ZNF541: variants seen among roughly 807,000 people sequenced by gnomAD.
ZNF541 encodes zinc finger protein 541.
Under a neutral mutation model 123.5 loss-of-function variants are expected in ZNF541, and 23 were observed. The ratio of observed to expected loss-of-function variants is 0.19; its 90% CI spans 0.13 to 0.26. The LOEUF is 0.26. ZNF541 is among the 10% of genes least tolerant of loss of function. The probability of loss-of-function intolerance (pLI) is 1.00; values close to 1 mark genes in which losing one functional copy is unlikely to be tolerated. For synonymous variants in ZNF541, 751 were observed against 754.5 expected, an observed-to-expected ratio of 1.00 and a Z score of 0.08; for missense variants, 1,612 against 1,789.9, an observed-to-expected ratio of 0.90 and a Z score of 1.79.
rs1970796367 is a variant in ZNF541, at chr19:47,555,783, T to G, written c.74A>C (p.Gln25Pro). Reference sequence around the variant, plus strand: ...GAGGGTGTCGCTGCAGTTGAGCCCTTGGCTCTCTGAAAATGAAGGGAGGTG... The same window carrying G: ...GAGGGTGTCGCTGCAGTTGAGCCCTGGGCTCTCTGAAAATGAAGGGAGGTG... ...EMHLPSFSES[Q>P]GLNCSDTLNR... Residue 25 changes from glutamine to proline, a missense_variant, in exon 3 of 17, where the codon CAA becomes CCA. Physicochemically the swap from Gln to Pro is moderately conservative, Grantham distance 76 (BLOSUM62 -1). This residue lies in a region of ZNF541 where 212 missense variants were observed against 289.6 expected (regional missense o/e 0.73). Coordinates refer to ENST00000391901, the MANE Select transcript of ZNF541 (RefSeq NM_001277075.3). The G allele has an allele frequency of 1.9e-6, 3 of 1,551,656 alleles. No individual in the cohort carries two copies. Among genetic ancestry groups the G allele is most frequent in the Non-Finnish European group, 2.6e-6 (3 of 1,146,988 alleles).
chr19:47,544,146 T>A lies in ZNF541; in HGVS notation c.2383A>T (p.Thr795Ser), dbSNP rs3826835. ...PPADPSKSKL[T>S]IFSRIQGGNI... ...GGTACCTGGATTCTGCTGAATATTGTCAGCTTGGACTTGGAGGGATCTGCC... is the reference window on the plus strand; with the variant it reads ...GGTACCTGGATTCTGCTGAATATTGACAGCTTGGACTTGGAGGGATCTGCC... The change falls in exon 5 of 17, where the codon ACA becomes TCA. Residue 795 changes from threonine (T) to serine (S), a missense_variant. This residue lies in a region of ZNF541 where 1,080 missense variants were observed against 1,013.8 expected (regional missense o/e 1.07). Transcript: ENST00000391901. 2 of 1,550,122 alleles carry A rather than the reference T, an allele frequency of 1.3e-6. No individual in the cohort carries two copies. The highest frequency in any genetic ancestry group is 4.9e-5 in the East Asian group (2 of 40,862).
intron 10 of ZNF541, among the ~76,000 whole-genome samples, 183 bp downstream of exon 10, chr19:47,532,726 T>G (rs1435067014): frequency 6.6e-6 from 1 of 151,858 alleles, no homozygotes; most frequent in Non-Finnish European, 1.5e-5. Context: ...ATATATATAT[T>G]TGTAGAAGGA....
At chr19:47,565,469 A>T (rs1273440840) in intron 2 of ZNF541, among the ~76,000 whole-genome samples, 1 of 152,144 alleles carries the variant, frequency 6.6e-6, no homozygotes, top group Non-Finnish European at 1.5e-5. Flanking sequence ...GGCTAAAAAG[A>T]AGAGGATGGA....
At position 47,568,697 on chromosome 19, in the gene ZNF541, A is replaced by G. The variant is rs184458635; in HGVS notation, c.-99+3199T>C. ...CAATTTTTTTTGTTTTCCTGAGTTG[A>G]AGTCTCTCTCTGTCACTCAGGCTGG... On this transcript the variant is annotated intron_variant, in intron 2 of 16. Coordinates refer to ENST00000391901, the MANE Select transcript of ZNF541 (RefSeq NM_001277075.3). Among the ~76,000 whole-genome samples the G allele has an allele frequency of 7.1e-4, 108 of 151,088 alleles. 2 individuals are homozygous for G. The East Asian group carries it at 0.016, about 22-fold the overall frequency.
At chr19:47,567,723 T>C (rs767115205) in intron 2 of ZNF541, among the ~76,000 whole-genome samples, 1 of 152,156 alleles carries the variant, frequency 6.6e-6, no homozygotes, top group Non-Finnish European at 1.5e-5. Flanking sequence ...AAGGCAACAA[T>C]TGGTTGGAGG....
chr19:47,537,301 C>A (rs1417944151), intron 9 of ZNF541, among the ~76,000 whole-genome samples: 1 of 152,146 alleles, frequency 6.6e-6, no homozygotes, highest in Non-Finnish European at 1.5e-5. Context: ...CAGTGGCTCA[C>A]ACCTGTAATC....
Position 47,544,400 on chromosome 19 carries a change from C to T in ZNF541, c.2129G>A (p.Gly710Glu), listed in dbSNP as rs1310796562. 3 of 1,551,598 alleles carry T rather than the reference C, an allele frequency of 1.9e-6. No individual in the cohort carries two copies. The highest frequency in any genetic ancestry group is 2.7e-5 in the African/African-American group (2 of 73,166). ...GGCCTGCTTCCCTGGCAGCGAGGCT[C>T]CTGGTGGCTCCTCCCCACCTAACTG... is the stretch of plus-strand genomic sequence containing the variant. Reference protein sequence around the residue: ...QTQLGGEEPPGASLPGKQAPA... With the variant: ...QTQLGGEEPPEASLPGKQAPA... The change falls in exon 5 of 17, where the codon GGA becomes GAA. Residue 710 changes from glycine to glutamate, a missense_variant. Physicochemically the swap from Gly to Glu is moderately conservative, Grantham distance 98. This residue lies in a region of ZNF541 where 1,080 missense variants were observed against 1,013.8 expected (regional missense o/e 1.07). Coordinates refer to ENST00000391901, the MANE Select transcript of ZNF541 (RefSeq NM_001277075.3).
rs1304756534 is a variant in ZNF541 at position 47,563,773 on chromosome 19, T to C, written c.-98-7819A>G. Among the ~76,000 whole-genome samples, 2 of 151,898 alleles carry C rather than the reference T, an allele frequency of 1.3e-5. 1 individual carries two copies. The highest frequency in any genetic ancestry group is 4.2e-4 in the South Asian group (2 of 4,816). ...GGCACTCACCACCACGCCTGGCAAA[T>C]TTTTGTACTTTTAGTAGAGATAGGG... On this transcript the variant is annotated intron_variant, in intron 2 of 16. Transcript: ENST00000391901.
At chr19:47,551,259 C>T (rs1467217307) in intron 3 of ZNF541, among the ~76,000 whole-genome samples, 4 of 151,916 alleles carry the variant, frequency 2.6e-5, no homozygotes, top group Non-Finnish European at 4.4e-5. Context: ...AGGCTGGTCT[C>T]GAACTTCTGG....
At chr19:47,540,057 T>A (rs1445386649) in intron 7 of ZNF541, 119 bp downstream of exon 7, 1 of 1,440,020 alleles carries the variant, frequency 6.9e-7, no homozygotes, top group African/African-American at 1.4e-5. Context: ...ACAGCCTGAC[T>A]CCAGCCCCCG....
intron 12 of ZNF541, 54 bp downstream of exon 12, chr19:47,531,588 A>G (rs574828250): frequency 7.1e-7 from 1 of 1,403,720 alleles, no homozygotes; most frequent in East Asian, 2.6e-5. Flanking sequence ...CGTCACATGC[A>G]CCTAGAACCC....
intron 9 of ZNF541, among the ~76,000 whole-genome samples, 190 bp downstream of exon 9, chr19:47,537,952 G>A (rs1172201645): frequency 6.6e-6 from 1 of 152,164 alleles, no homozygotes; most frequent in East Asian, 1.9e-4. Context: ...TTTCTTTCGG[G>A]CTGTAAAATT....
Position 47,538,277 on chromosome 19 carries a change from C to T in ZNF541, c.2959G>A (p.Gly987Ser). The T allele has an allele frequency of 2.6e-6, 4 of 1,550,938 alleles. No individual in the cohort carries two copies. Among genetic ancestry groups the T allele is most frequent in the Non-Finnish European group, 3.5e-6 (4 of 1,146,514 alleles). Residue 987 changes from glycine (G) to serine (S), a missense_variant, in exon 9 of 17, where the codon GGC (glycine) becomes AGC (serine). Physicochemically the swap from Gly to Ser is moderately conservative, Grantham distance 56. Transcript: ENST00000391901. ...PMFLVDCLLK[G>S]LFQCSPYTPP... is the part of the protein sequence containing the mutation. ...GTGTAGGGGGAGCACTGGAATAAGC[C>T]CTTCAGGAGGCAGTCCACCAGGAAC...
At position 47,545,707 on chromosome 19, in the gene ZNF541, G is replaced by A. The variant is rs750486036; in HGVS notation, c.822C>T (p.Leu274=). The A allele has an allele frequency of 5.2e-6, 8 of 1,547,386 alleles. No homozygotes were observed. Among genetic ancestry groups the A allele is most frequent in the South Asian group, 3.6e-5 (3 of 84,050 alleles). ...CGATGCTACTCACGATGCGGCGCAG[G>A]AGGTCCCGGTGGGGCAGGAGGGAGC... The part of the protein sequence containing the change: ...SPGSLLPHRD[L]LRRIVSSIVH... Residue 274 remains leucine, a synonymous_variant, in exon 5 of 17, where the codon CTC becomes CTT. Transcript: ENST00000391901. This position sits in a 1 kb window ranked among gnomAD's most constrained non-coding sequence, Gnocchi z 7.5.
At chr19:47,564,489 C>T (rs997835682) in intron 2 of ZNF541, among the ~76,000 whole-genome samples, 10 of 152,184 alleles carry the variant, frequency 6.6e-5, no homozygotes, top group African/African-American at 9.6e-5. Context: ...TCTCCTGCAA[C>T]CCGGCAGACA....
chr19:47,530,805 C>A (rs1415701671), intron 12 of ZNF541, among the ~76,000 whole-genome samples: 3 of 151,968 alleles, frequency 2.0e-5, no homozygotes, highest in African/African-American at 7.3e-5. Context: ...CGCCCACCAC[C>A]ATGCCTGGCT....
chr19:47,529,786 C>G (rs540914783), intron 12 of ZNF541, 134 bp from the exon 13 acceptor site: 7 of 763,256 alleles, frequency 9.2e-6, no homozygotes, highest in Non-Finnish European at 1.3e-5. Flanking sequence ...TCAAAGTTGC[C>G]CTGGATGGGC....
rs555302366 is a variant in ZNF541, at chr19:47,549,418, G to A, written c.375C>T (p.Ala125=). ...DEGGRATSGS[A]RKGKRQHSSP... Reference sequence around the variant, plus strand: ...AACTGTGCTGCCGCTTTCCTTTCCTGGCACTCCCCGAGGTGGCCCTTCCTC... The same window carrying A: ...AACTGTGCTGCCGCTTTCCTTTCCTAGCACTCCCCGAGGTGGCCCTTCCTC... The change falls in exon 4 of 17, where the codon GCC becomes GCT. Residue 125 remains alanine, a synonymous_variant. Transcript: ENST00000391901. The A allele has an allele frequency of 3.5e-5, 54 of 1,551,536 alleles. No homozygotes were observed. The highest frequency in any genetic ancestry group is 4.4e-5 in the Non-Finnish European group (51 of 1,147,006).
chr19:47,569,554 TAAGTAG>T (rs1401594481), intron 2 of ZNF541, among the ~76,000 whole-genome samples: 1 of 151,988 alleles, frequency 6.6e-6, no homozygotes, highest in African/African-American at 2.4e-5. Flanking sequence ...CCTACATTCT[TAAGTAG>T]AACAATCAAG....
Sources: gnomAD v4.1 joint callset for allele counts (sites outside exome capture counted in the v4.1 genomes callset) on GRCh38, gnomAD v4.1.1 for gene constraint, gnomAD v4.1.1 regional missense constraint, Gnocchi (gnomAD v3.1) non-coding constraint, MANE v1.5 for transcripts, NCBI Gene and HGNC (gene_info 2026-07-23, HGNC 2026-07-21) for gene names.